The following COLEC12 variants were observed in gnomAD, a reference collection of about 807,000 sequenced individuals.
The protein encoded by COLEC12 is collectin-12.
COLEC12 carries 33 observed loss-of-function variants against 71.1 expected under a neutral mutation model. The observed-to-expected ratio is 0.46, with a 90% confidence interval of 0.35 to 0.62. The LOEUF is 0.62. Among genes scored for constraint, COLEC12 ranks in the 20% least tolerant of loss-of-function variants. The pLI is 0.00. For synonymous variants in COLEC12, 350 were observed against 353.0 expected (o/e 0.99, Z 0.10); for missense variants, 765 against 916.1 (o/e 0.84, Z 2.13).
chr18:471,132 A>G (rs886564019), intron 2 of COLEC12, among the ~76,000 whole-genome samples: 5 of 152,208 alleles, frequency 3.3e-5, no homozygotes, highest in African/African-American at 9.7e-5. Context: ...ATAAAAAAAT[A>G]CAACTACCAG....
intron 2 of COLEC12, among the ~76,000 whole-genome samples, chr18:375,851 A>G (rs1370241691): frequency 1.3e-5 from 2 of 152,206 alleles, no homozygotes; most frequent in Non-Finnish European, 2.9e-5. Flanking sequence ...CGTTGAGGAG[A>G]TTAAATGAAT....
At chr18:467,103 A>G (rs1266555029) in intron 2 of COLEC12, among the ~76,000 whole-genome samples, 2 of 152,178 alleles carry the variant, frequency 1.3e-5, no homozygotes. Flanking sequence ...TACACTTTCT[A>G]TTCCTTCTTT....
rs552502024 is a variant in COLEC12, at chr18:391,705, A to C, written c.59-34183T>G. Among the ~76,000 whole-genome samples the C allele has an allele frequency of 1.1e-4, 17 of 152,274 alleles. No individual in the cohort carries two copies. The South Asian group carries it at 3.3e-3, about 30-fold the overall frequency. On this transcript the variant is annotated intron_variant, in intron 2 of 9. Coordinates refer to ENST00000400256, the MANE Select transcript of COLEC12 (RefSeq NM_130386.3). Reference sequence around the variant, plus strand: ...GAACCAGAGAAAACAGTCTATATCCACCAATTCTCCACCACACACCAAGTT... The same window carrying C: ...GAACCAGAGAAAACAGTCTATATCCCCCAATTCTCCACCACACACCAAGTT...
At chr18:467,567 A>T (rs1025798087) in intron 2 of COLEC12, among the ~76,000 whole-genome samples, 4 of 152,256 alleles carry the variant, frequency 2.6e-5, no homozygotes, top group Non-Finnish European at 5.9e-5. Flanking sequence ...CAGATTAATG[A>T]ATTGAGAGAA....
intron 3 of COLEC12, among the ~76,000 whole-genome samples, chr18:354,537 C>A (rs1033251935): frequency 2.0e-5 from 3 of 152,018 alleles, no homozygotes; most frequent in Non-Finnish European, 4.4e-5. Flanking sequence ...TTCTTTCTTT[C>A]TTTTGTAACG....
chr18:388,206 A>C (rs1306651581), intron 2 of COLEC12, among the ~76,000 whole-genome samples: 1 of 152,186 alleles, frequency 6.6e-6, no homozygotes, highest in East Asian at 1.9e-4. Flanking sequence ...AAGAAAATCA[A>C]GCTTAAATAT....
rs138866354 is a variant in COLEC12, at chr18:404,213, G to C, written c.59-46691C>G. 4.4e-3 allele frequency among the ~76,000 whole-genome samples: 669 copies of C among 152,180 alleles called. 3 individuals are homozygous for C. Among genetic ancestry groups the C allele is most frequent in the African/African-American group, 0.015 (609 of 41,506 alleles). ...TGAACTGAAATAATTCCTGTGGCTT[G>C]GTTTGTTTATTAGCAATTGTTTTTC... On this transcript the variant is annotated intron_variant, in intron 2 of 9. Coordinates refer to ENST00000400256, the MANE Select transcript of COLEC12 (RefSeq NM_130386.3).
intron 2 of COLEC12, among the ~76,000 whole-genome samples, chr18:401,533 C>T (rs1329097465): frequency 6.6e-6 from 1 of 152,180 alleles, no homozygotes; most frequent in Admixed American, 6.5e-5. Context: ...CAGAAAAGAT[C>T]CTTCTAATTG....
chr18:404,297 C>T (rs1332827638), intron 2 of COLEC12, among the ~76,000 whole-genome samples: 2 of 152,166 alleles, frequency 1.3e-5, no homozygotes, highest in African/African-American at 4.8e-5. Context: ...CATTCCTCTG[C>T]CTGCTATTTG....
chr18:487,215 CA>C (rs1241870518), intron 1 of COLEC12, among the ~76,000 whole-genome samples: 2 of 151,808 alleles, frequency 1.3e-5, no homozygotes, highest in African/African-American at 2.4e-5. Flanking sequence ...AGGCCAGTCA[CA>C]AAAAAAACAC....
At chr18:332,740 T>C (rs1335401545) in intron 7 of COLEC12, among the ~76,000 whole-genome samples, 1 of 152,188 alleles carries the variant, frequency 6.6e-6, no homozygotes, top group Non-Finnish European at 1.5e-5. Context: ...CTTCTCTGCA[T>C]TATAATTATT....
chr18:331,557 G>A, intron 8 of COLEC12, 111 bp downstream of exon 8: 1 of 612,804 alleles, frequency 1.6e-6, no homozygotes, highest in Non-Finnish European at 2.9e-6. Context: ...GGTTTGGGAG[G>A]AGCGTCTAGG....
chr18:342,365 C>A (rs971800720), intron 5 of COLEC12, among the ~76,000 whole-genome samples: 1 of 152,286 alleles, frequency 6.6e-6, no homozygotes, highest in Admixed American at 6.5e-5. Context: ...ACACTATCAT[C>A]TGCCTTCGGC....
intron 5 of COLEC12, among the ~76,000 whole-genome samples, chr18:340,221 C>A (rs561884224): frequency 6.6e-6 from 1 of 152,240 alleles, no homozygotes; most frequent in South Asian, 2.1e-4. Flanking sequence ...TGCTTTCAAA[C>A]TGACTGAAAT....
chr18:384,245 C>A (rs746402330), intron 2 of COLEC12, among the ~76,000 whole-genome samples: 2 of 152,038 alleles, frequency 1.3e-5, no homozygotes, highest in Non-Finnish European at 2.9e-5. Flanking sequence ...ATGCATCCAG[C>A]GGATCGCAGT....
rs144192463 is a variant in COLEC12, at chr18:341,837, C to A, written c.1327+4458G>T. On this transcript the variant is annotated intron_variant, in intron 5 of 9. Transcript: ENST00000400256. Reference sequence around the variant, plus strand: ...AATCCAGCTCTGTCTGATTCCAGAGCTCTTGTTCTCACTCATTAAATCTGA... The same window carrying A: ...AATCCAGCTCTGTCTGATTCCAGAGATCTTGTTCTCACTCATTAAATCTGA... Among the ~76,000 whole-genome samples, 382 of 152,238 alleles carry A rather than the reference C, an allele frequency of 2.5e-3. 1 individual carries two copies. Among genetic ancestry groups the A allele is most frequent in the Non-Finnish European group, 4.4e-3 (300 of 68,010 alleles).
intron 3 of COLEC12, among the ~76,000 whole-genome samples, chr18:348,458 G>C (rs561578198): frequency 7.2e-5 from 11 of 152,108 alleles, no homozygotes; most frequent in Non-Finnish European, 1.5e-4. Context: ...AAATTTTCAT[G>C]CATTTTAGAA....
At chr18:360,597 A>AT (rs1427958754) in intron 2 of COLEC12, among the ~76,000 whole-genome samples, 3 of 152,192 alleles carry the variant, frequency 2.0e-5, no homozygotes, top group Non-Finnish European at 2.9e-5. Context: ...CAAACTTTAA[A>AT]GTGCTTACAC....
chr18:494,699 T>C (rs1374411216), intron 1 of COLEC12, among the ~76,000 whole-genome samples: 1 of 152,270 alleles, frequency 6.6e-6, no homozygotes, highest in Non-Finnish European at 1.5e-5. Context: ...AATAATAAAT[T>C]GTTTTATAAA....
Sources: gnomAD v4.1 joint callset for allele counts (sites outside exome capture counted in the v4.1 genomes callset) on GRCh38, gnomAD v4.1.1 for gene constraint, MANE v1.5 for transcripts, NCBI Gene and HGNC (gene_info 2026-07-23, HGNC 2026-07-21) for gene names.